The following ASXL1 variants were observed in gnomAD, a reference collection of about 807,000 sequenced individuals.
ASXL1 encodes polycomb group protein ASXL1.
In ASXL1, 65 loss-of-function variants were observed where a neutral mutation model predicts 89.1. The observed-to-expected ratio is 0.73, with a 90% CI of 0.60 to 0.90. ASXL1 has a LOEUF of 0.90. ASXL1 is among the 40% of genes least tolerant of loss of function. The pLI is 0.00. For synonymous variants in ASXL1, 739 were observed against 746.9 expected (o/e 0.99, Z 0.17); for missense variants, 1,786 against 1,942.9 (o/e 0.92, Z 1.52).
At position 32,361,075 on chromosome 20, in the gene ASXL1, T is replaced by A. The variant is rs117582482; in HGVS notation, c.57+2243T>A. On this transcript the variant is annotated intron_variant, in intron 1 of 12. Coordinates refer to ENST00000375687, the MANE Select transcript of ASXL1 (RefSeq NM_015338.6). ...GAGTAGGAATTACTTTGTGGTGCTGTTATACATGTGAAAAAGGATTTGCGA... is the reference window on the plus strand; with the variant it reads ...GAGTAGGAATTACTTTGTGGTGCTGATATACATGTGAAAAAGGATTTGCGA... 1.1e-3 allele frequency among the ~76,000 whole-genome samples: 173 copies of A among 151,844 alleles called. 1 individual carries two copies. The highest frequency in any genetic ancestry group is 2.1e-3 in the Non-Finnish European group (143 of 67,956).
At position 32,438,842 on chromosome 20, in the gene ASXL1, C is replaced by T. The variant is rs1163817964; in HGVS notation, c.*1504C>T. The T allele has an allele frequency of 2.2e-4, 51 of 233,414 alleles. No individual in the cohort carries two copies. In the Admixed American group the frequency reaches 2.9e-3, roughly 13 times the overall value. 14.5% of individuals were successfully genotyped at this position (233,414 alleles called of 1,614,324 possible). A position where few individuals can be genotyped will look rare whatever the true frequency, so the allele number is the denominator to read the frequency against. ...GGGAAGAAACAAAGCCATGCCTGCT[C>T]CTGCCTCTCTCCCAACATGTTTCCA... On this transcript the variant is annotated 3_prime_UTR_variant, in exon 13 of 13. Coordinates refer to ENST00000375687, the MANE Select transcript of ASXL1 (RefSeq NM_015338.6).
chr20:32,377,051 A>T (rs2048392970), intron 4 of ASXL1, among the ~76,000 whole-genome samples: 2 of 140,196 alleles, frequency 1.4e-5, no homozygotes, highest in Admixed American at 1.6e-4. Context: ...CAACAGATAT[A>T]ATATGTCTAT....
intron 4 of ASXL1, among the ~76,000 whole-genome samples, chr20:32,393,988 A>G (rs1008071070): frequency 5.1e-5 from 7 of 136,192 alleles, no homozygotes; most frequent in Non-Finnish European, 1.1e-4. Flanking sequence ...GTGCCACCAC[A>G]CCTGGCTATT....
At position 32,434,558 on chromosome 20, in the gene ASXL1, GAC is replaced by G; in HGVS notation, c.1848_1849del (p.Ile617Ter). 1 of 1,613,736 alleles carries G rather than the reference GAC, an allele frequency of 6.2e-7. No individual in the cohort carries two copies. Among genetic ancestry groups the G allele is most frequent in the Non-Finnish European group, 8.5e-7 (1 of 1,180,042 alleles). On this transcript the variant is annotated frameshift_variant, in exon 13 of 13. Coordinates refer to ENST00000375687, the MANE Select transcript of ASXL1 (RefSeq NM_015338.6). LOFTEE classifies it low-confidence loss of function (END_TRUNC). ...RGWTGARTLADIKARALQVRG... is the reference protein window; with the variant it reads ...RGWTGARTLAXIKARALQVRG... ...TTGGACTGGCGCCAGGACCCTCGCAGACATTAAAGCCCGTGCTCTGCAGGTCC... is the reference window on the plus strand; with the variant it reads ...TTGGACTGGCGCCAGGACCCTCGCAGATTAAAGCCCGTGCTCTGCAGGTCC...
At chr20:32,387,332 G>T (rs761419321) in intron 4 of ASXL1, among the ~76,000 whole-genome samples, 5 of 152,054 alleles carry the variant, frequency 3.3e-5, no homozygotes, top group Non-Finnish European at 5.9e-5. Flanking sequence ...ATAATATCCA[G>T]CCCAGGCTTT....
At position 32,434,417 on chromosome 20, in the gene ASXL1, A is replaced by G. The variant is rs893096671; in HGVS notation, c.1720-15A>G. On this transcript the variant is annotated splice_polypyrimidine_tract_variant and intron_variant, in intron 12 of 12. Transcript: ENST00000375687. ...CCCAGTCAGTTAAAACTATTTTCTA[A>G]TTCTTTTTTTGCAGATTCAACTTTC... 5 of 1,613,506 alleles carry G rather than the reference A, an allele frequency of 3.1e-6. No homozygotes were observed. The highest frequency in any genetic ancestry group is 4.2e-6 in the Non-Finnish European group (5 of 1,179,968).
intron 4 of ASXL1, among the ~76,000 whole-genome samples, chr20:32,407,892 AT>A (rs913839104): frequency 8.6e-4 from 131 of 152,138 alleles, no homozygotes; most frequent in Non-Finnish European, 1.8e-3. Context: ...GCACAAAAAT[AT>A]TTTTTGGCTT....
chr20:32,369,741 T>A (rs868489391), intron 4 of ASXL1, among the ~76,000 whole-genome samples: 2,961 of 117,816 alleles, frequency 0.025, 65 homozygotes, highest in Admixed American at 0.084. Context: ...TTTTTTTTTT[T>A]ATTCTGAGAT....
chr20:32,387,183 A>G (rs1027750458), intron 4 of ASXL1, among the ~76,000 whole-genome samples: 9 of 152,082 alleles, frequency 5.9e-5, no homozygotes, highest in African/African-American at 1.2e-4. Context: ...GTGCACCCCC[A>G]TAATCCCAGT....
Position 32,362,675 on chromosome 20 carries a change from C to G in ASXL1, c.58-3709C>G, listed in dbSNP as rs1190729626. On this transcript the variant is annotated intron_variant, in intron 1 of 12. Coordinates refer to ENST00000375687, the MANE Select transcript of ASXL1 (RefSeq NM_015338.6). ...AAACAAAACAACAACAACAAAAAAACCTTTCGTAGAGGAAAGAAGATTCTT... is the reference window on the plus strand; with the variant it reads ...AAACAAAACAACAACAACAAAAAAAGCTTTCGTAGAGGAAAGAAGATTCTT... 5.3e-5 allele frequency among the ~76,000 whole-genome samples: 8 copies of G among 152,134 alleles called. No homozygotes were observed. The East Asian group carries it at 1.3e-3, about 26-fold the overall frequency.
At chr20:32,431,167 G>A (rs2011500533) in intron 8 of ASXL1, 154 bp from the exon 9 acceptor site, 2 of 926,352 alleles carry the variant, frequency 2.2e-6, no homozygotes, top group African/African-American at 3.3e-5. Flanking sequence ...AACCTGGAAA[G>A]AATATACAGG....
Position 32,435,104 on chromosome 20 carries a change from A to G in ASXL1, c.2392A>G (p.Ser798Gly), listed in dbSNP as rs148047779. ...TGAGTCTGGCACCACTTCCTGGGAAAGTGATGATGAGGAGCAAGGACCCAC... is the reference window on the plus strand; with the variant it reads ...TGAGTCTGGCACCACTTCCTGGGAAGGTGATGATGAGGAGCAAGGACCCAC... ...ECESGTTSWE[S>G]DDEEQGPTVP... The change falls in exon 13 of 13, where the codon AGT becomes GGT. Residue 798 changes from serine to glycine, a missense_variant. Ser to Gly is a moderately conservative substitution (Grantham distance 56, BLOSUM62 0). Transcript: ENST00000375687. The G allele has an allele frequency of 1.2e-6, 2 of 1,613,896 alleles. No homozygotes were observed. Among genetic ancestry groups the G allele is most frequent in the African/African-American group, 1.3e-5 (1 of 74,922 alleles).
At chr20:32,423,429 G>A (rs2011192381) in intron 4 of ASXL1, among the ~76,000 whole-genome samples, 5 of 151,912 alleles carry the variant, frequency 3.3e-5, no homozygotes, top group Admixed American at 3.3e-4. Context: ...TTAGTAGGGG[G>A]GGTTTCATCA....
At chr20:32,389,406 A>G (rs944060174) in intron 4 of ASXL1, among the ~76,000 whole-genome samples, 2 of 152,114 alleles carry the variant, frequency 1.3e-5, no homozygotes, top group Non-Finnish European at 2.9e-5. Context: ...AAACAGCTGC[A>G]TTTAGTGCTT....
At chr20:32,413,881 A>T (rs2049091850) in intron 4 of ASXL1, among the ~76,000 whole-genome samples, 3 of 152,216 alleles carry the variant, frequency 2.0e-5, no homozygotes, top group African/African-American at 7.2e-5. Flanking sequence ...ATTTATGTAG[A>T]GCAGATTGAC....
At position 32,434,430 on chromosome 20, in the gene ASXL1, A is replaced by T; in HGVS notation, c.1720-2A>T. ...AACTATTTTCTAATTCTTTTTTTGC[A>T]GATTCAACTTTCACGTATCAAACCA... On this transcript the variant is annotated splice_acceptor_variant, in intron 12 of 12. Transcript: ENST00000375687. LOFTEE classifies it high-confidence loss of function. 6.2e-7 allele frequency: 1 copy of T among 1,613,840 alleles called. No individual in the cohort carries two copies. Among genetic ancestry groups the T allele is most frequent in the Non-Finnish European group, 8.5e-7 (1 of 1,180,006 alleles).
rs2011813253 is a variant in ASXL1, at chr20:32,435,783, C to G, written c.3071C>G (p.Thr1024Arg). 1 of 1,614,220 alleles carries G rather than the reference C, an allele frequency of 6.2e-7. No homozygotes were observed. Among genetic ancestry groups the G allele is most frequent in the Non-Finnish European group, 8.5e-7 (1 of 1,180,046 alleles). Residue 1024 changes from threonine (T) to arginine (R), a missense_variant, in exon 13 of 13, where the codon ACA becomes AGA. Around this residue, in one of 3 missense-constraint regions of ASXL1, gnomAD observed 1,418 missense variants for 1,427.8 expected, o/e 0.99. Transcript: ENST00000375687. The stretch of plus-strand genomic sequence containing the variant: ...GCTGACACTAGAGAAGCTGCAGTGA[C>G]AAAGGGATCTTCGGTGGACAAGGAT... ...SEADTREAAV[T>R]KGSSVDKDEK...
At position 32,436,829 on chromosome 20, in the gene ASXL1, T is replaced by C; in HGVS notation, c.4117T>C (p.Phe1373Leu). ...FVGSVKNEKT[F>L]VGGPLKANAE... is the part of the protein sequence containing the mutation. ...TGGCAGCGTCAAGAATGAGAAGACT[T>C]TTGTGGGGGGTCCTCTTAAGGCAAA... is the stretch of plus-strand genomic sequence containing the variant. The change falls in exon 13 of 13, where the codon TTT (phenylalanine) becomes CTT (leucine). Residue 1373 changes from phenylalanine to leucine, a missense_variant. Coordinates refer to ENST00000375687, the MANE Select transcript of ASXL1 (RefSeq NM_015338.6). 6.2e-7 allele frequency: 1 copy of C among 1,614,142 alleles called. No homozygotes were observed. Among genetic ancestry groups the C allele is most frequent in the South Asian group, 1.1e-5 (1 of 91,078 alleles).
intron 4 of ASXL1, among the ~76,000 whole-genome samples, chr20:32,415,152 G>C (rs900087664): frequency 6.6e-6 from 1 of 152,026 alleles, no homozygotes; most frequent in Admixed American, 6.5e-5. Context: ...GGGATTACAG[G>C]TGCCCGCCAT....
Sources: gnomAD v4.1 joint callset for allele counts (sites outside exome capture counted in the v4.1 genomes callset) on GRCh38, gnomAD v4.1.1 for gene constraint, gnomAD v4.1.1 regional missense constraint, MANE v1.5 for transcripts, NCBI Gene and HGNC (gene_info 2026-07-23, HGNC 2026-07-21) for gene names.